TEP1: variants seen among roughly 807,000 people sequenced by gnomAD.
TEP1 encodes the protein telomerase protein component 1.
Under a neutral mutation model 306.3 loss-of-function variants are expected in TEP1, and 241 were observed. The ratio of observed to expected loss-of-function variants is 0.79; its 90% confidence interval spans 0.71 to 0.88. The LOEUF (loss-of-function observed/expected upper bound fraction) is 0.88, where lower values mean the gene tolerates loss of function less well. Ranked by LOEUF, TEP1 falls within the 40% of genes least tolerant of loss-of-function variation. The pLI, the probability that TEP1 is intolerant of heterozygous loss-of-function variation, is 0.00. For synonymous variants in TEP1, 1,289 were observed against 1,305.5 expected, an observed-to-expected ratio of 0.99 and a Z score of 0.27; for missense variants, 3,051 against 3,276.1, an observed-to-expected ratio of 0.93 and a Z score of 1.68.
At position 20,383,577 on chromosome 14, in the gene TEP1, T is replaced by A. The variant is rs958395537; in HGVS notation, c.3778A>T (p.Thr1260Ser). The change falls in exon 26 of 55, where the codon ACC (threonine) becomes TCC (serine). Residue 1260 changes from threonine to serine, a missense_variant. By Grantham distance (58) the Thr-to-Ser change is moderately conservative (BLOSUM62 1). Coordinates refer to ENST00000262715, the MANE Select transcript of TEP1 (RefSeq NM_007110.5). ...GCCCCATCGATGATCAGGACCTGGG[T>A]CTGGCCAGGATGCAGGGACTCAGCA... ...KSAESLHPGQ[T>S]QVLIIDGADR... 9 of 1,613,950 alleles carry A rather than the reference T, an allele frequency of 5.6e-6. No individual in the cohort carries two copies. The highest frequency in any genetic ancestry group is 7.6e-6 in the Non-Finnish European group (9 of 1,180,022).
chr14:20,378,264 T>C, intron 38 of TEP1, 28 bp from the exon 39 acceptor site: 1 of 1,613,440 alleles, frequency 6.2e-7, no homozygotes, highest in Non-Finnish European at 8.5e-7. Flanking sequence ...AATGGAAACG[T>C]GAAGACCTGC....
intron 29 of TEP1, 55 bp downstream of exon 29, chr14:20,382,169 A>T: frequency 6.2e-7 from 1 of 1,613,360 alleles, no homozygotes; most frequent in Non-Finnish European, 8.5e-7. Context: ...AAGGGAACCA[A>T]TGTAATCCGA....
rs768341661 is a variant in TEP1, at chr14:20,403,748, T to C, written c.1169A>G (p.His390Arg). The C allele has an allele frequency of 2.5e-6, 4 of 1,613,044 alleles. No individual in the cohort carries two copies. Among genetic ancestry groups the C allele is most frequent in the Non-Finnish European group, 3.4e-6 (4 of 1,179,838 alleles). The stretch of plus-strand genomic sequence containing the variant: ...TGGAGAGCGGGGTGGCCGGCGGGGG[T>C]GTCTCTTGGCCCGGTGCTTCCGAGG... ...YNPRKHRAKRHPRRPPRSPGM... is the reference protein window; with the variant it reads ...YNPRKHRAKRRPRRPPRSPGM... The change falls in exon 6 of 55, where the codon CAC (histidine) becomes CGC (arginine). Residue 390 changes from histidine (H) to arginine (R), a missense_variant. His to Arg is a conservative substitution (Grantham distance 29). Transcript: ENST00000262715.
chr14:20,401,612 T>G, intron 7 of TEP1, 31 bp from the exon 8 acceptor site: 1 of 1,612,008 alleles, frequency 6.2e-7, no homozygotes, highest in Admixed American at 1.7e-5. Flanking sequence ...CCCACAGGGG[T>G]CCTTTCATCC....
rs1165596990 is a variant in TEP1 at position 20,384,630 on chromosome 14, A to G, written c.3191T>C (p.Leu1064Pro). The G allele has an allele frequency of 6.2e-7, 1 of 1,614,046 alleles. No individual in the cohort carries two copies. The highest frequency in any genetic ancestry group is 8.5e-7 in the Non-Finnish European group (1 of 1,180,022). The change falls in exon 22 of 55, where the codon CTA (leucine) becomes CCA (proline). Residue 1064 changes from leucine (L) to proline (P), a missense_variant. Transcript: ENST00000262715. ...ARRISELKSYLSRQKGITCRR... is the reference protein window; with the variant it reads ...ARRISELKSYPSRQKGITCRR... ...GCAGGTGATCCCTTTCTGTCTGCTTAGGTAGCTCTTCAGTTCTGAGATCCG... is the reference window on the plus strand; with the variant it reads ...GCAGGTGATCCCTTTCTGTCTGCTTGGGTAGCTCTTCAGTTCTGAGATCCG...
In TEP1 at chr14:20,377,608, A is replaced by G. The variant is rs746457866; in HGVS notation, c.5867T>C (p.Ile1956Thr). The change falls in exon 40 of 55, where the codon ATC (isoleucine) becomes ACC (threonine). Residue 1956 changes from isoleucine (I) to threonine (T), a missense_variant. Physicochemically the swap from Ile to Thr is moderately conservative, Grantham distance 89 (BLOSUM62 -1). Around this residue, in one of 3 missense-constraint regions of TEP1, gnomAD observed 1,540 missense variants for 1,705.9 expected, o/e 0.90. Coordinates refer to ENST00000262715, the MANE Select transcript of TEP1 (RefSeq NM_007110.5). ...YRADGIRIYK[I>T]SSGSQGAQGQ... ...CATTCCCATTTCAGTACCTGAAGAG[A>G]TTTTGTAGATCCTAATGCCATCCGC... The G allele has an allele frequency of 8.1e-6, 13 of 1,614,058 alleles. No individual in the cohort carries two copies. Among genetic ancestry groups the G allele is most frequent in the African/African-American group, 4.0e-5 (3 of 74,996 alleles).
chr14:20,381,807 C>A lies in TEP1; in HGVS notation c.4424+106G>T. 6.5e-7 allele frequency: 1 copy of A among 1,542,314 alleles called. No homozygotes were observed. On this transcript the variant is annotated intron_variant, in intron 30 of 54. Transcript: ENST00000262715. The surrounding 1 kb of genome is among the most constrained non-coding windows in gnomAD (Gnocchi z 4.0). ...GAAACTGGAGCAGCTGGAGCAGTAG[C>A]TCATTCATGGTCTGGGAGCCAGTTG... is the stretch of plus-strand genomic sequence containing the variant.
chr14:20,368,781 C>A lies in TEP1; in HGVS notation c.7761+17G>T. ...AGGCGCACGCACACACACACACACA[C>A]ACACACACACACTTACCAGCTGCAT... is the stretch of plus-strand genomic sequence containing the variant. On this transcript the variant is annotated intron_variant, in intron 54 of 54. Transcript: ENST00000262715. 1.2e-6 allele frequency: 2 copies of A among 1,604,054 alleles called. No individual in the cohort carries two copies. Among genetic ancestry groups the A allele is most frequent in the Non-Finnish European group, 1.7e-6 (2 of 1,171,472 alleles).
In TEP1 at chr14:20,370,124, G is replaced by A. The variant is rs2138991397; in HGVS notation, c.7318-345C>T. Among the ~76,000 whole-genome samples the A allele has an allele frequency of 2.0e-5, 3 of 152,324 alleles. No homozygotes were observed. In the South Asian group the frequency reaches 6.2e-4, roughly 32 times the overall value. ...AGATGGGGTTTCACCATGTGGGCCA[G>A]GCTGGTCTCGAACTCCTGGCCTCAG... is the stretch of plus-strand genomic sequence containing the variant. On this transcript the variant is annotated intron_variant, in intron 51 of 54. Coordinates refer to ENST00000262715, the MANE Select transcript of TEP1 (RefSeq NM_007110.5).
intron 51 of TEP1, among the ~76,000 whole-genome samples, chr14:20,370,695 T>C (rs146257508): frequency 1.8e-3 from 267 of 152,304 alleles, no homozygotes; most frequent in African/African-American, 6.1e-3. Context: ...CTTAGGTATA[T>C]ATTTAGGAGT....
intron 9 of TEP1, among the ~76,000 whole-genome samples, chr14:20,399,841 A>G (rs1451154392): frequency 6.6e-6 from 1 of 151,988 alleles, no homozygotes; most frequent in Non-Finnish European, 1.5e-5. Flanking sequence ...AACCAGAGGG[A>G]GGAAGTGGAG....
rs191411803 is a variant in TEP1 at position 20,380,440 on chromosome 14, C to G, written c.4798G>C (p.Glu1600Gln). The change falls in exon 34 of 55, where the codon GAG becomes CAG. Residue 1600 changes from glutamate (E) to glutamine (Q), a missense_variant. Around this residue, in one of 3 missense-constraint regions of TEP1, gnomAD observed 1,540 missense variants for 1,705.9 expected, o/e 0.90. Coordinates refer to ENST00000262715, the MANE Select transcript of TEP1 (RefSeq NM_007110.5). ...SVPKEEQKLPEADVAVFRTFL... is the reference protein window; with the variant it reads ...SVPKEEQKLPQADVAVFRTFL... ...GTGCGAAACACTGCAACGTCAGCCT[C>G]GGGGAGCTTTTGTTCCTCTTTGGGG... 8.1e-6 allele frequency: 13 copies of G among 1,613,878 alleles called. No homozygotes were observed. Among genetic ancestry groups the G allele is most frequent in the Non-Finnish European group, 1.0e-5 (12 of 1,179,988 alleles).
chr14:20,389,718 C>G lies in TEP1; in HGVS notation c.2357G>C (p.Gly786Ala). ...TATCATTCCATCATCCATGCTTTGGCCAAGGAGGATGACCCTGTCCACCTG... is the reference window on the plus strand; with the variant it reads ...TATCATTCCATCATCCATGCTTTGGGCAAGGAGGATGACCCTGTCCACCTG... Reference protein sequence around the residue: ...RVPVDRVILLGQSMDDGMINV... With the variant: ...RVPVDRVILLAQSMDDGMINV... Residue 786 changes from glycine (G) to alanine (A), a missense_variant, in exon 16 of 55, where the codon GGC (glycine) becomes GCC (alanine). By Grantham distance (60) the Gly-to-Ala change is moderately conservative. This residue lies in a region of TEP1 where 1,507 missense variants were observed against 1,550.5 expected (regional missense o/e 0.97). Coordinates refer to ENST00000262715, the MANE Select transcript of TEP1 (RefSeq NM_007110.5). 1 of 1,614,152 alleles carries G rather than the reference C, an allele frequency of 6.2e-7. No homozygotes were observed. The highest frequency in any genetic ancestry group is 1.7e-5 in the Admixed American group (1 of 60,020).
Position 20,390,693 on chromosome 14 carries a change from G to C in TEP1, c.2322C>G (p.Gly774=). 1 of 1,614,198 alleles carries C rather than the reference G, an allele frequency of 6.2e-7. No homozygotes were observed. The highest frequency in any genetic ancestry group is 1.6e-4 in the Middle Eastern group (1 of 6,062). ...TFGKYLLSLA[G]QRVPVDRVIL... is the part of the protein sequence containing the mutation. Reference sequence around the variant, plus strand: ...GATTAATACTCACAGGAACCCTTTGGCCAGCCAGAGACAGCAGGTATTTCC... The same window carrying C: ...GATTAATACTCACAGGAACCCTTTGCCCAGCCAGAGACAGCAGGTATTTCC... The change falls in exon 15 of 55, where the codon GGC becomes GGG. Residue 774 remains glycine (G), a synonymous_variant. Transcript: ENST00000262715.
chr14:20,386,447 C>T lies in TEP1; in HGVS notation c.2861G>A (p.Arg954Lys). 1 of 1,600,096 alleles carries T rather than the reference C, an allele frequency of 6.2e-7. No homozygotes were observed. Among genetic ancestry groups the T allele is most frequent in the East Asian group, 2.2e-5 (1 of 44,610 alleles). Residue 954 changes from arginine to lysine, a missense_variant and splice_region_variant, in exon 19 of 55, where the codon AGA becomes AAA. Physicochemically the swap from Arg to Lys is conservative, Grantham distance 26. Coordinates refer to ENST00000262715, the MANE Select transcript of TEP1 (RefSeq NM_007110.5). ...CCCCTCTTCTCTGCAGCCCCCACAC[C>T]TGTTCCTACGGGTCTCCTCCTCAGT... ...GVTEEETRRN[R>K]QLEVCLGEVE... is the part of the protein sequence containing the mutation.
intron 38 of TEP1, 56 bp from the exon 39 acceptor site, chr14:20,378,292 G>C (rs1885320596): frequency 2.5e-6 from 4 of 1,612,510 alleles, no homozygotes; most frequent in Admixed American, 3.3e-5. Flanking sequence ...AAAATCTTAA[G>C]TGACCCAGAA....
intron 5 of TEP1, among the ~76,000 whole-genome samples, chr14:20,404,124 G>A (rs537531057): frequency 1.3e-4 from 20 of 152,112 alleles, no homozygotes; most frequent in Non-Finnish European, 1.3e-4. Context: ...GGAGGCCAAG[G>A]CCAGTGGATC....
At chr14:20,407,290 T>TA (rs755232578) in intron 2 of TEP1, among the ~76,000 whole-genome samples, 60 of 152,238 alleles carry the variant, frequency 3.9e-4, no homozygotes, top group Non-Finnish European at 3.7e-4. Context: ...GACTCTGCTA[T>TA]AGTAACATTA....
rs780803704 is a variant in TEP1, at chr14:20,386,133, G to C, written c.2924C>G (p.Ser975Cys). The C allele has an allele frequency of 6.2e-7, 1 of 1,613,472 alleles. No individual in the cohort carries two copies. Among genetic ancestry groups the C allele is most frequent in the Non-Finnish European group, 8.5e-7 (1 of 1,179,808 alleles). ...GCTGGGGGGAATGTATCCATAACGG[G>C]AGCCCAGAATCCCCACAAACAGCTG... ...NAQLFVGILG[S>C]RYGYIPPSYN... The change falls in exon 20 of 55, where the codon TCC (serine) becomes TGC (cysteine). Residue 975 changes from serine (S) to cysteine (C), a missense_variant. Transcript: ENST00000262715.
Sources: gnomAD v4.1 joint callset for allele counts (sites outside exome capture counted in the v4.1 genomes callset) on GRCh38, gnomAD v4.1.1 for gene constraint, gnomAD v4.1.1 regional missense constraint, Gnocchi (gnomAD v3.1) non-coding constraint, MANE v1.5 for transcripts, NCBI Gene and HGNC (gene_info 2026-07-23, HGNC 2026-07-21) for gene names.